The following DDX47 variants were observed in gnomAD, a reference collection of about 807,000 sequenced individuals.
DDX47 encodes the protein probable ATP-dependent RNA helicase DDX47.
A neutral mutation model predicts 58.8 loss-of-function variants in DDX47; 60 were observed. The ratio of observed to expected loss-of-function variants is 1.02; its 90% CI spans 0.83 to 1.26. The LOEUF (loss-of-function observed/expected upper bound fraction) is 1.26. Ranked by LOEUF, DDX47 falls within the 50% of genes most tolerant of loss-of-function variation. DDX47 has a pLI of 0.00. For synonymous variants in DDX47, 197 were observed against 204.6 expected (o/e 0.96, Z 0.32); for missense variants, 530 against 573.2 (o/e 0.92, Z 0.77).
At chr12:12,824,839 C>A in intron 9 of DDX47, 162 bp downstream of exon 9, 2 of 665,004 alleles carry the variant, frequency 3.0e-6, no homozygotes, top group South Asian at 2.1e-5. Flanking sequence ...CTTGCACAGG[C>A]CTGTGTATGT....
chr12:12,819,206 C>CT (rs1476214967), intron 2 of DDX47, among the ~76,000 whole-genome samples: 2 of 152,142 alleles, frequency 1.3e-5, no homozygotes, highest in African/African-American at 4.8e-5. Flanking sequence ...TCTTCTGGTT[C>CT]TTTTCCCTTT....
chr12:12,827,257 A>C lies in DDX47; in HGVS notation c.1118A>C (p.Glu373Ala). The C allele has an allele frequency of 1.2e-6, 2 of 1,614,098 alleles. No individual in the cohort carries two copies. The highest frequency in any genetic ancestry group is 1.7e-6 in the Non-Finnish European group (2 of 1,180,010). ...AITFVTQYDV[E>A]LFQRIEHLIG... is the part of the protein sequence containing the mutation. ...TTTTCCTTCCTCAGGTATGATGTGG[A>C]ACTCTTCCAGCGCATAGAACACTTA... Residue 373 changes from glutamate to alanine, a missense_variant, in exon 11 of 12, where the codon GAA (glutamate) becomes GCA (alanine). Coordinates refer to ENST00000358007, the MANE Select transcript of DDX47 (RefSeq NM_016355.4).
chr12:12,822,524 C>T, intron 5 of DDX47, 137 bp from the exon 6 acceptor site: 1 of 662,904 alleles, frequency 1.5e-6, no homozygotes, highest in South Asian at 2.0e-5. Flanking sequence ...TTAGCTGAAT[C>T]AAATTGAATT....
In DDX47 at chr12:12,823,401, G is replaced by T. The variant is rs181895948; in HGVS notation, c.750+82G>T. The T allele has an allele frequency of 2.6e-3, 2,204 of 855,686 alleles. 5 individuals carry two copies. Among genetic ancestry groups the T allele is most frequent in the Non-Finnish European group, 3.1e-3 (1,571 of 508,294 alleles). The allele number at this position is 855,686 out of a possible 1,614,324, so 53.0% of individuals were successfully genotyped here. A position where few individuals can be genotyped will look rare whatever the true frequency, so the allele number is the denominator to read the frequency against. On this transcript the variant is annotated intron_variant, in intron 7 of 11. Transcript: ENST00000358007. The stretch of plus-strand genomic sequence containing the variant: ...TGAAAATGTGTCAACTCTTGATTAG[G>T]TAAGAGCTGTAATGCAGATTGGCAT...
At chr12:12,827,720 C>T (rs1863073524) in intron 11 of DDX47, among the ~76,000 whole-genome samples, 1 of 152,124 alleles carries the variant, frequency 6.6e-6, no homozygotes, top group Admixed American at 6.6e-5. Flanking sequence ...ATCAGTTTCT[C>T]ACCTGTAAAT....
At chr12:12,815,420 G>A (rs1459635781) in intron 2 of DDX47, among the ~76,000 whole-genome samples, 1 of 152,164 alleles carries the variant, frequency 6.6e-6, no homozygotes, top group Non-Finnish European at 1.5e-5. Context: ...CTCTCCAAGA[G>A]TCTATAATCT....
intron 7 of DDX47, chr12:12,823,557 C>T: frequency 3.6e-6 from 2 of 551,868 alleles, no homozygotes; most frequent in Non-Finnish European, 6.4e-6. Context: ...TTCCCATCCC[C>T]ATCCTTGAGG....
intron 6 of DDX47, 110 bp downstream of exon 6, chr12:12,822,842 T>G (rs1437075904): frequency 1.1e-6 from 1 of 912,756 alleles, no homozygotes; most frequent in Non-Finnish European, 1.8e-6. Flanking sequence ...CACACTGCTA[T>G]AAAGAACTAT....
chr12:12,814,224 G>C lies in DDX47; in HGVS notation c.181G>C (p.Gly61Arg), dbSNP rs1862861957. The C allele has an allele frequency of 1.9e-6, 3 of 1,596,168 alleles. No homozygotes were observed. Among genetic ancestry groups the C allele is most frequent in the Non-Finnish European group, 2.6e-6 (3 of 1,163,792 alleles). ...QIEAIPLALQGRDIIGLAETG... is the reference protein window; with the variant it reads ...QIEAIPLALQRRDIIGLAETG... ...TGAAGCTATTCCTTTGGCCTTACAA[G>C]GTAGGTTGTATGACTTCGTACAGAT... The change falls in exon 2 of 12, where the codon GGT becomes CGT. Residue 61 changes from glycine to arginine, a missense_variant and splice_region_variant. Transcript: ENST00000358007.
chr12:12,818,293 G>A (rs1466453246), intron 2 of DDX47, among the ~76,000 whole-genome samples: 7 of 152,142 alleles, frequency 4.6e-5, no homozygotes, highest in Admixed American at 3.3e-4. Flanking sequence ...AGGCCGAGGC[G>A]GGTGGATCAC....
At chr12:12,826,915 G>A (rs181174781) in intron 10 of DDX47, among the ~76,000 whole-genome samples, 3 of 151,774 alleles carry the variant, frequency 2.0e-5, no homozygotes, top group African/African-American at 7.3e-5. Context: ...ATGCCACCAC[G>A]GTTGGCTAAT....
At chr12:12,816,465 T>C (rs1270906417) in intron 2 of DDX47, among the ~76,000 whole-genome samples, 1 of 152,184 alleles carries the variant, frequency 6.6e-6, no homozygotes, top group African/African-American at 2.4e-5. Flanking sequence ...ACCATAAGTA[T>C]AATTTTTTGT....
chr12:12,824,536 T>C lies in DDX47; in HGVS notation c.898-4T>C. On this transcript the variant is annotated splice_polypyrimidine_tract_variant and splice_region_variant and intron_variant, in intron 8 of 11. Coordinates refer to ENST00000358007, the MANE Select transcript of DDX47 (RefSeq NM_016355.4). ...TTTCCAACATTTCTTTTTCATTACC[T>C]CAGAGTAAGCGCCTAGGATCCCTTA... is the stretch of plus-strand genomic sequence containing the variant. 6.2e-7 allele frequency: 1 copy of C among 1,605,630 alleles called. No homozygotes were observed. The highest frequency in any genetic ancestry group is 8.5e-7 in the Non-Finnish European group (1 of 1,177,946).
intron 6 of DDX47, 95 bp downstream of exon 6, chr12:12,822,827 G>A (rs759463536): frequency 3.7e-5 from 38 of 1,037,758 alleles, no homozygotes; most frequent in Admixed American, 5.4e-5. Flanking sequence ...GCTTTAGTCC[G>A]TTTTCACACT....
At chr12:12,824,078 CAGT>C (rs1863014402) in intron 8 of DDX47, 62 bp downstream of exon 8, 1 of 1,552,286 alleles carries the variant, frequency 6.4e-7, no homozygotes, top group Non-Finnish European at 8.7e-7. Context: ...AACCTCCTAA[CAGT>C]AGGTTTGTAC....
At chr12:12,813,603 G>A in intron 1 of DDX47, 149 bp downstream of exon 1, 1 of 750,710 alleles carries the variant, frequency 1.3e-6, no homozygotes, top group Non-Finnish European at 2.2e-6. Context: ...GCTGGGTTTC[G>A]GACGTGCTCT....
At chr12:12,827,648 T>G (rs1863072492) in intron 11 of DDX47, among the ~76,000 whole-genome samples, 2 of 152,108 alleles carry the variant, frequency 1.3e-5, no homozygotes, top group South Asian at 4.1e-4. Flanking sequence ...AGACTTGAGG[T>G]CAGAAGATCC....
chr12:12,827,422 C>A (rs1592325553), intron 11 of DDX47, 47 bp downstream of exon 11: 1 of 1,596,206 alleles, frequency 6.3e-7, no homozygotes, highest in Non-Finnish European at 8.6e-7. Context: ...ACAATGTTAA[C>A]TGTGTGCCAC....
chr12:12,815,282 GATTT>G (rs1451302016), intron 2 of DDX47, among the ~76,000 whole-genome samples: 1 of 152,176 alleles, frequency 6.6e-6, no homozygotes, highest in Non-Finnish European at 1.5e-5. Flanking sequence ...ATAATTGAAA[GATTT>G]AATGATTTGA....
Sources: allele counts gnomAD v4.1 joint callset (sites outside exome capture counted in the v4.1 genomes callset), GRCh38; gene constraint gnomAD v4.1.1; transcripts MANE v1.5; gene names NCBI Gene and HGNC (gene_info 2026-07-23, HGNC 2026-07-21).